Variants in CPLANE1 observed in about 807,000 individuals in gnomAD.
The protein encoded by CPLANE1 is ciliogenesis and planar polarity effector 1.
A neutral mutation model predicts 362.5 loss-of-function variants in CPLANE1; 263 were observed. The ratio of observed to expected loss-of-function variants is 0.73; its 90% CI spans 0.66 to 0.80. CPLANE1 has a LOEUF of 0.80. Ranked by LOEUF, CPLANE1 falls within the 30% of genes least tolerant of loss-of-function variation. The probability of loss-of-function intolerance (pLI) is 0.00; values close to 1 mark genes in which losing one functional copy is unlikely to be tolerated. For synonymous variants in CPLANE1, 1,212 were observed against 1,302.6 expected (o/e 0.93, Z 1.50); for missense variants, 3,461 against 3,793.4 (o/e 0.91, Z 2.30).
chr5:37,232,324 T>C (rs1797894427), intron 8 of CPLANE1, among the ~76,000 whole-genome samples: 1 of 151,694 alleles, frequency 6.6e-6, no homozygotes, highest in Non-Finnish European at 1.5e-5. Context: ...AAGACCAGCC[T>C]GGCCAAGATG....
intron 2 of CPLANE1, among the ~76,000 whole-genome samples, chr5:37,247,380 A>C (rs1740066353): frequency 6.6e-6 from 1 of 152,226 alleles, no homozygotes; most frequent in South Asian, 2.1e-4. Flanking sequence ...AAAATAGTTT[A>C]AGTAAAAATC....
chr5:37,115,653 G>A (rs1428191847), intron 50 of CPLANE1, among the ~76,000 whole-genome samples: 1 of 142,784 alleles, frequency 7.0e-6, no homozygotes, highest in Admixed American at 7.2e-5. Flanking sequence ...CTGCAGTACA[G>A]TGGCGTGATC....
chr5:37,125,220 T>C (rs770519982), intron 47 of CPLANE1, 24 bp downstream of exon 47: 13 of 1,593,262 alleles, frequency 8.2e-6, no homozygotes, highest in Non-Finnish European at 8.5e-7. Context: ...TGTAATTCCA[T>C]TACCCTTGAC....
the CPLANE1 span, among the ~76,000 whole-genome samples, chr5:37,097,832 T>C: frequency 1.4e-4 from 22 of 152,148 alleles, no homozygotes; most frequent in East Asian, 2.5e-3. Flanking sequence ...CAGGAATGAG[T>C]CCTCACATCT....
At chr5:37,097,972 C>T in the CPLANE1 span, among the ~76,000 whole-genome samples, 2 of 152,128 alleles carry the variant, frequency 1.3e-5, no homozygotes, top group African/African-American at 4.8e-5. Context: ...ATTAATTCAT[C>T]AACAGAATAT....
chr5:37,140,089 T>C (rs1769204562), intron 44 of CPLANE1: 4 of 911,670 alleles, frequency 4.4e-6, no homozygotes, highest in Non-Finnish European at 5.2e-6. Flanking sequence ...TTTTAAGTCT[T>C]GTCCAGTATT....
intron 31 of CPLANE1, among the ~76,000 whole-genome samples, chr5:37,174,190 T>C (rs1037481946): frequency 6.6e-6 from 1 of 152,208 alleles, no homozygotes; most frequent in Admixed American, 6.5e-5. Context: ...ATGGGCTCCT[T>C]CATAGGGTGT....
At chr5:37,182,627 A>G in intron 26 of CPLANE1, 133 bp downstream of exon 26, 1 of 642,190 alleles carries the variant, frequency 1.6e-6, no homozygotes, top group Non-Finnish European at 2.5e-6. Context: ...AAAATAGGAG[A>G]TACTGATTAT....
chr5:37,208,765 C>A (rs1246760084), intron 16 of CPLANE1, among the ~76,000 whole-genome samples: 1 of 150,068 alleles, frequency 6.7e-6, no homozygotes, highest in Non-Finnish European at 1.5e-5. Context: ...AATTGCCACT[C>A]AGTCACGCTG....
In CPLANE1 at chr5:37,224,604, A is replaced by AT; in HGVS notation, c.2427dup (p.Cys810MetfsTer6). ...CTCTGTAGGTTAGCCTGCAAATGAC[A>AT]TAACAGGGACTTGACAGTAGATGCT... On this transcript the variant is annotated frameshift_variant, in exon 13 of 53. Coordinates refer to ENST00000651892, the MANE Select transcript of CPLANE1 (RefSeq NM_001384732.1). 1 of 1,551,462 alleles carries AT rather than the reference A, an allele frequency of 6.4e-7. No individual in the cohort carries two copies.
intron 12 of CPLANE1, among the ~76,000 whole-genome samples, chr5:37,225,589 C>T (rs1796286293): frequency 6.6e-6 from 1 of 152,190 alleles, no homozygotes; most frequent in South Asian, 2.1e-4. Flanking sequence ...TGGTGGCTCA[C>T]GCCTATAATC....
chr5:37,177,797 G>T, intron 29 of CPLANE1, 97 bp from the exon 30 acceptor site: 1 of 866,306 alleles, frequency 1.2e-6, no homozygotes, highest in Admixed American at 2.1e-5. Flanking sequence ...CTTAACCAGA[G>T]TAACAACAGT....
intron 47 of CPLANE1, among the ~76,000 whole-genome samples, chr5:37,122,858 GCAA>G (rs1763053628): frequency 6.6e-6 from 1 of 151,974 alleles, no homozygotes; most frequent in Non-Finnish European, 1.5e-5. Flanking sequence ...TCCAGCCTGG[GCAA>G]CAGAGCAAGG....
chr5:37,217,564 G>T (rs190516997), intron 15 of CPLANE1, among the ~76,000 whole-genome samples: 1 of 151,812 alleles, frequency 6.6e-6, no homozygotes, highest in African/African-American at 2.4e-5. Context: ...CCGAGACTGC[G>T]CCATTGCACT....
chr5:37,125,342 T>C lies in CPLANE1; in HGVS notation c.8860A>G (p.Met2954Val). Residue 2954 changes from methionine (M) to valine (V), a missense_variant, in exon 47 of 53, where the codon ATG becomes GTG. Met to Val is a conservative substitution (Grantham distance 21). Coordinates refer to ENST00000651892, the MANE Select transcript of CPLANE1 (RefSeq NM_001384732.1). ...DKERREIQAW[M>V]KRKRKERMAK... ...ATTCTTTCTTTTCGTTTTCTTTTCA[T>C]CCAGGCTTGAATCTCTCTTCTTTCC... 1 of 1,614,010 alleles carries C rather than the reference T, an allele frequency of 6.2e-7. No homozygotes were observed.
the CPLANE1 span, among the ~76,000 whole-genome samples, chr5:37,076,052 G>A: frequency 3.4e-4 from 51 of 151,808 alleles, no homozygotes; most frequent in Admixed American, 2.6e-4. Context: ...GAGACCAGCT[G>A]AGGCAACATA....
In CPLANE1 at chr5:37,243,075, C is replaced by A; in HGVS notation, c.615G>T (p.Gly205=). Reference sequence around the variant, plus strand: ...CTAGAAATGTTAACTTCAGGCATTCCCCAGAATAAAAAGTAAATGAACACA... The same window carrying A: ...CTAGAAATGTTAACTTCAGGCATTCACCAGAATAAAAAGTAAATGAACACA... ...CCLCSFTFYS[G]ECLKLTFLAI... The change falls in exon 6 of 53, where the codon GGG becomes GGT. Residue 205 remains glycine, a synonymous_variant. Coordinates refer to ENST00000651892, the MANE Select transcript of CPLANE1 (RefSeq NM_001384732.1). The A allele has an allele frequency of 6.5e-7, 1 of 1,547,148 alleles. No individual in the cohort carries two copies. The highest frequency in any genetic ancestry group is 8.7e-7 in the Non-Finnish European group (1 of 1,144,966).
the CPLANE1 span, among the ~76,000 whole-genome samples, chr5:37,089,522 G>A: frequency 6.6e-6 from 1 of 152,108 alleles, no homozygotes; most frequent in African/African-American, 2.4e-5. Context: ...TGAAAGCTGG[G>A]CATGTCGAAT....
chr5:37,100,132 A>G, the CPLANE1 span, among the ~76,000 whole-genome samples: 1 of 152,222 alleles, frequency 6.6e-6, no homozygotes, highest in African/African-American at 2.4e-5. Flanking sequence ...CCATTCGTCA[A>G]CTTTTGCTTT....
Sources: allele counts gnomAD v4.1 joint callset (sites outside exome capture counted in the v4.1 genomes callset), GRCh38; gene constraint gnomAD v4.1.1; transcripts MANE v1.5; gene names NCBI Gene and HGNC (gene_info 2026-07-23, HGNC 2026-07-21).